MSRA: variants seen among roughly 807,000 people sequenced by gnomAD.
The protein encoded by MSRA is methionine sulfoxide reductase A.
Under a neutral mutation model 31.3 loss-of-function variants are expected in MSRA, and 54 were observed. That is an observed-to-expected ratio of 1.73 (90% CI 1.39 to 2.17). The LOEUF (loss-of-function observed/expected upper bound fraction) is 2.17. MSRA is among the 30% of genes most tolerant of loss of function. The probability of loss-of-function intolerance (pLI) is 0.00; values close to 1 mark genes in which losing one functional copy is unlikely to be tolerated. For missense variants in MSRA, 507 were observed against 300.9 expected (o/e 1.69, Z -5.07); for synonymous variants, 169 against 116.5 (o/e 1.45, Z -2.90).
At chr8:10,213,903 G>C (rs1585185365) in intron 2 of MSRA, among the ~76,000 whole-genome samples, 1 of 152,108 alleles carries the variant, frequency 6.6e-6, no homozygotes, top group Non-Finnish European at 1.5e-5. Flanking sequence ...CTCACGTCCA[G>C]GCTTTTTGGT....
chr8:10,411,488 G>C (rs1808156285), intron 5 of MSRA: 1 of 134,388 alleles, frequency 7.4e-6, no homozygotes, highest in African/African-American at 2.9e-5. Context: ...AGTTTCCTTT[G>C]AATATAATAA....
chr8:10,061,377 C>T (rs888462340), intron 1 of MSRA, among the ~76,000 whole-genome samples: 3 of 152,176 alleles, frequency 2.0e-5, no homozygotes, highest in African/African-American at 4.8e-5. Context: ...ATTTGCCCTG[C>T]TCTAATTCCC....
intron 1 of MSRA, among the ~76,000 whole-genome samples, chr8:10,155,150 C>A (rs562665116): frequency 6.6e-6 from 1 of 151,912 alleles, no homozygotes; most frequent in Admixed American, 6.6e-5. Flanking sequence ...AGTCTAATGA[C>A]GACAATAAGG....
At chr8:10,174,959 C>T (rs1221346935) in intron 1 of MSRA, among the ~76,000 whole-genome samples, 1 of 152,218 alleles carries the variant, frequency 6.6e-6, no homozygotes, top group East Asian at 1.9e-4. Flanking sequence ...TGCCCCTTTC[C>T]CTGTTAATCC....
chr8:10,248,318 C>T (rs1445247824), intron 3 of MSRA, among the ~76,000 whole-genome samples: 1 of 152,166 alleles, frequency 6.6e-6, no homozygotes, highest in East Asian at 1.9e-4. Flanking sequence ...AAGCGGTATG[C>T]TTGAGCTTAA....
intron 4 of MSRA, among the ~76,000 whole-genome samples, chr8:10,303,292 T>C (rs1288853691): frequency 6.6e-6 from 1 of 152,218 alleles, no homozygotes; most frequent in East Asian, 1.9e-4. Flanking sequence ...AACTTCTCTC[T>C]CCATACCGCT....
At chr8:10,308,060 A>G (rs924886662) in intron 4 of MSRA, among the ~76,000 whole-genome samples, 1 of 152,342 alleles carries the variant, frequency 6.6e-6, no homozygotes, top group Non-Finnish European at 1.5e-5. Flanking sequence ...CACGAAGCCC[A>G]GGGATGGAGC....
At chr8:10,094,535 C>A (rs180972811) in intron 1 of MSRA, among the ~76,000 whole-genome samples, 1 of 152,184 alleles carries the variant, frequency 6.6e-6, no homozygotes, top group Non-Finnish European at 1.5e-5. Context: ...AATGAGCAAA[C>A]TGAGGAGATT....
intron 2 of MSRA, among the ~76,000 whole-genome samples, chr8:10,226,609 G>A (rs1267665739): frequency 6.6e-6 from 1 of 152,194 alleles, no homozygotes; most frequent in Non-Finnish European, 1.5e-5. Context: ...AAAAGTCAGT[G>A]CCCATGAACA....
intron 1 of MSRA, among the ~76,000 whole-genome samples, chr8:10,073,987 T>C (rs918700796): frequency 9.3e-5 from 14 of 149,758 alleles, no homozygotes; most frequent in African/African-American, 3.2e-4. Flanking sequence ...TAGGGGAGTG[T>C]TGCTTTCTAT....
chr8:10,111,956 T>C (rs1800322939), intron 1 of MSRA, among the ~76,000 whole-genome samples: 1 of 152,204 alleles, frequency 6.6e-6, no homozygotes, highest in African/African-American at 2.4e-5. Context: ...CTTCCTGATG[T>C]TGGGTTTTTG....
intron 1 of MSRA, among the ~76,000 whole-genome samples, chr8:10,192,212 G>GT (rs1213118267): frequency 6.6e-6 from 1 of 152,206 alleles, no homozygotes; most frequent in Non-Finnish European, 1.5e-5. Context: ...GTTCTGTTTA[G>GT]TAGCAGTGAA....
At chr8:10,338,022 G>T (rs1240967887) in intron 5 of MSRA, among the ~76,000 whole-genome samples, 1 of 152,124 alleles carries the variant, frequency 6.6e-6, no homozygotes, top group African/African-American at 2.4e-5. Context: ...AACCTAAGGG[G>T]TGATCAAAGA....
At chr8:10,231,319 T>C (rs148448886) in intron 2 of MSRA, among the ~76,000 whole-genome samples, 90 of 151,924 alleles carry the variant, frequency 5.9e-4, no homozygotes, top group African/African-American at 2.1e-3. Flanking sequence ...TTGAGATGAG[T>C]AAGAGGGAAG....
intron 1 of MSRA, among the ~76,000 whole-genome samples, chr8:10,150,253 G>T (rs897295552): frequency 6.6e-6 from 1 of 152,078 alleles, no homozygotes; most frequent in Non-Finnish European, 1.5e-5. Flanking sequence ...GAGAGATGCT[G>T]CTAATTACAT....
chr8:10,210,891 G>A (rs936380580), intron 2 of MSRA, among the ~76,000 whole-genome samples: 6 of 151,346 alleles, frequency 4.0e-5, no homozygotes, highest in African/African-American at 9.7e-5. Flanking sequence ...GCATCACCAC[G>A]CTCACCTTTT....
At chr8:10,121,574 C>T (rs576652149) in intron 1 of MSRA, among the ~76,000 whole-genome samples, 2 of 152,108 alleles carry the variant, frequency 1.3e-5, no homozygotes, top group Non-Finnish European at 2.9e-5. Context: ...GCCTTTTGGC[C>T]AGAATTGCCA....
At chr8:10,082,803 G>C (rs1387093316) in intron 1 of MSRA, among the ~76,000 whole-genome samples, 1 of 152,186 alleles carries the variant, frequency 6.6e-6, no homozygotes, top group Non-Finnish European at 1.5e-5. Context: ...TCGTGTGAAG[G>C]GGGCACTGTG....
At chr8:10,316,074 G>A (rs963664429) in intron 4 of MSRA, among the ~76,000 whole-genome samples, 4 of 152,134 alleles carry the variant, frequency 2.6e-5, no homozygotes, top group African/African-American at 9.7e-5. Flanking sequence ...TGGCACCTCT[G>A]TTAAAAAGCA....
Sources: gnomAD v4.1 joint callset for allele counts (sites outside exome capture counted in the v4.1 genomes callset) on GRCh38, gnomAD v4.1.1 for gene constraint, MANE v1.5 for transcripts, NCBI Gene and HGNC (gene_info 2026-07-23, HGNC 2026-07-21) for gene names.